Variants in GTF2F2 observed in about 807,000 individuals in gnomAD.
GTF2F2 encodes the protein ATP-dependent helicase GTF2F2.
In GTF2F2, 23 loss-of-function variants were observed where a neutral mutation model predicts 42.2. The ratio of observed to expected loss-of-function variants is 0.55; its 90% CI spans 0.39 to 0.77. The LOEUF (loss-of-function observed/expected upper bound fraction) is 0.77. Ranked by LOEUF, GTF2F2 falls within the 30% of genes least tolerant of loss-of-function variation. The probability of loss-of-function intolerance (pLI) is 0.00; values close to 1 mark genes in which losing one functional copy is unlikely to be tolerated. For missense variants in GTF2F2, 261 were observed against 287.2 expected, an observed-to-expected ratio of 0.91 and a Z score of 0.66; for synonymous variants, 105 against 100.8, an observed-to-expected ratio of 1.04 and a Z score of -0.25.
intron 5 of GTF2F2, among the ~76,000 whole-genome samples, chr13:45,245,669 ATATATATATATATAT>A (rs1566149411): frequency 8.3e-4 from 26 of 31,160 alleles, no homozygotes; most frequent in Non-Finnish European, 1.6e-3. Context: ...TGGTGTGAAT[ATATATATATATATAT>A]ATATATATAT....
intron 5 of GTF2F2, among the ~76,000 whole-genome samples, chr13:45,242,914 C>T (rs903869778): frequency 1.2e-4 from 18 of 152,030 alleles, no homozygotes; most frequent in Non-Finnish European, 2.5e-4. Flanking sequence ...GGCATTTTTT[C>T]GTTTAGTTAG....
chr13:45,198,906 A>G lies in GTF2F2; in HGVS notation c.305-8518A>G, dbSNP rs78703677. ...AAAATAAAAATTACACTGTCTAATT[A>G]TTGACATGTTTTAAGAATCAAGGAT... On this transcript the variant is annotated intron_variant, in intron 4 of 7. Coordinates refer to ENST00000340473, the MANE Select transcript of GTF2F2 (RefSeq NM_004128.3). Among the ~76,000 whole-genome samples, 258 of 152,306 alleles carry G rather than the reference A, an allele frequency of 1.7e-3. 6 individuals carry two copies. In the East Asian group the frequency reaches 0.045, roughly 26 times the overall value.
At chr13:45,202,595 A>G (rs1022140610) in intron 4 of GTF2F2, among the ~76,000 whole-genome samples, 9 of 152,270 alleles carry the variant, frequency 5.9e-5, no homozygotes, top group African/African-American at 2.2e-4. Flanking sequence ...ATGGGAAATC[A>G]TAAAAATGAT....
chr13:45,141,310 C>T (rs1022389983), intron 2 of GTF2F2, among the ~76,000 whole-genome samples: 2 of 152,182 alleles, frequency 1.3e-5, no homozygotes, highest in African/African-American at 4.8e-5. Context: ...GCAATTTTTC[C>T]TTATGAATCC....
At chr13:45,231,149 C>T (rs1193860094) in intron 5 of GTF2F2, among the ~76,000 whole-genome samples, 1 of 151,668 alleles carries the variant, frequency 6.6e-6, no homozygotes, top group Non-Finnish European at 1.5e-5. Flanking sequence ...GCTCTGTCAC[C>T]CAGGCTGGAG....
At chr13:45,213,673 T>G (rs1873784584) in intron 5 of GTF2F2, among the ~76,000 whole-genome samples, 1 of 143,926 alleles carries the variant, frequency 6.9e-6, no homozygotes, top group African/African-American at 2.6e-5. Context: ...TTCCTTCCTT[T>G]CTTTTTTTTT....
rs544053104 is a variant in GTF2F2, at chr13:45,149,431, T to G, written c.141-339T>G. On this transcript the variant is annotated intron_variant, in intron 2 of 7. Transcript: ENST00000340473. ...GTGGTTGATAGAGGGAGACCCTGTC[T>G]CCAAAAAAAAAAAAAAAAAGGGAAA... Among the ~76,000 whole-genome samples, 8 of 88,914 alleles carry G rather than the reference T, an allele frequency of 9.0e-5. No individual in the cohort carries two copies. The East Asian group carries it at 1.8e-3, about 20-fold the overall frequency. 58.3% of individuals were successfully genotyped at this position (88,914 alleles called of 152,430 possible).
chr13:45,175,535 T>A (rs1294073379), intron 4 of GTF2F2, among the ~76,000 whole-genome samples: 2 of 152,250 alleles, frequency 1.3e-5, no homozygotes, highest in Non-Finnish European at 2.9e-5. Flanking sequence ...CTGTAAAACA[T>A]TTTTGTTATT....
chr13:45,143,052 G>A (rs1870009738), intron 2 of GTF2F2, among the ~76,000 whole-genome samples: 1 of 152,138 alleles, frequency 6.6e-6, no homozygotes, highest in African/African-American at 2.4e-5. Flanking sequence ...AGACATGGAT[G>A]AATAAGATCA....
chr13:45,212,669 G>A (rs1304906344), intron 5 of GTF2F2, among the ~76,000 whole-genome samples: 3 of 151,638 alleles, frequency 2.0e-5, no homozygotes, highest in African/African-American at 7.3e-5. Context: ...AGGTTCAAAC[G>A]ATTCTCCTGC....
intron 6 of GTF2F2, among the ~76,000 whole-genome samples, chr13:45,264,963 T>C (rs1221107317): frequency 6.6e-6 from 1 of 152,142 alleles, no homozygotes; most frequent in African/African-American, 2.4e-5. Context: ...ATTTCCTGAA[T>C]TTAACTTGAG....
chr13:45,212,145 T>G (rs540838673), intron 5 of GTF2F2, among the ~76,000 whole-genome samples: 110 of 152,306 alleles, frequency 7.2e-4, no homozygotes, highest in Non-Finnish European at 1.2e-3. Flanking sequence ...GTAGAAGTGT[T>G]TGAGAACAGA....
chr13:45,195,346 T>C lies in GTF2F2; in HGVS notation c.305-12078T>C, dbSNP rs573551138. Among the ~76,000 whole-genome samples the C allele has an allele frequency of 8.5e-5, 13 of 152,326 alleles. No homozygotes were observed. The East Asian group carries it at 2.5e-3, about 29-fold the overall frequency. On this transcript the variant is annotated intron_variant, in intron 4 of 7. Transcript: ENST00000340473. The stretch of plus-strand genomic sequence containing the variant: ...CACTTAATTTTTTTGCTTAAGATTT[T>C]CTGTGGAAAATTCATGAACTTGTTT...
intron 7 of GTF2F2, among the ~76,000 whole-genome samples, chr13:45,271,453 G>A (rs914429010): frequency 3.3e-5 from 5 of 151,236 alleles, no homozygotes; most frequent in African/African-American, 9.7e-5. Flanking sequence ...GTGCAATCTC[G>A]GATCACTGCA....
At chr13:45,276,211 T>C (rs1231707479) in intron 7 of GTF2F2, among the ~76,000 whole-genome samples, 1 of 152,168 alleles carries the variant, frequency 6.6e-6, no homozygotes, top group Admixed American at 6.5e-5. Flanking sequence ...ACTTCATTTC[T>C]TTTTATTTGC....
At chr13:45,125,730 A>C (rs1868961521) in intron 1 of GTF2F2, among the ~76,000 whole-genome samples, 1 of 152,184 alleles carries the variant, frequency 6.6e-6, no homozygotes, top group Admixed American at 6.5e-5. Flanking sequence ...AGTTCAAGGA[A>C]ACATGGGAAT....
chr13:45,191,263 T>C (rs1872642213), intron 4 of GTF2F2, among the ~76,000 whole-genome samples: 2 of 113,118 alleles, frequency 1.8e-5, no homozygotes, highest in South Asian at 5.3e-4. Context: ...ATAGCCATAA[T>C]CTCACATTTT....
intron 4 of GTF2F2, among the ~76,000 whole-genome samples, chr13:45,177,174 A>G (rs2138151527): frequency 6.6e-6 from 1 of 151,528 alleles, no homozygotes; most frequent in African/African-American, 2.4e-5. Context: ...TTTTTTTTTA[A>G]TAAAGACCAT....
intron 5 of GTF2F2, among the ~76,000 whole-genome samples, chr13:45,238,018 A>T (rs1875079081): frequency 6.6e-6 from 1 of 152,178 alleles, no homozygotes; most frequent in South Asian, 2.1e-4. Context: ...CAGTGGCGTC[A>T]TCTCAGCTCA....
Sources: gnomAD v4.1 joint callset for allele counts (sites outside exome capture counted in the v4.1 genomes callset) on GRCh38, gnomAD v4.1.1 for gene constraint, MANE v1.5 for transcripts, NCBI Gene and HGNC (gene_info 2026-07-23, HGNC 2026-07-21) for gene names.